Variants in STAM observed in about 807,000 individuals in gnomAD.
STAM encodes signal transducing adapter molecule 1.
A neutral mutation model predicts 63.4 loss-of-function variants in STAM; 16 were observed. The observed-to-expected ratio is 0.25, with a 90% CI of 0.17 to 0.38. The LOEUF (loss-of-function observed/expected upper bound fraction) is 0.38. Ranked by LOEUF, STAM falls within the 10% of genes least tolerant of loss-of-function variation. The pLI is 1.00. For missense variants in STAM, 636 were observed against 657.1 expected, an observed-to-expected ratio of 0.97 and a Z score of 0.35; for synonymous variants, 238 against 223.9, an observed-to-expected ratio of 1.06 and a Z score of -0.56.
At position 17,686,402 on chromosome 10, in the gene STAM, T is replaced by C. The variant is rs563715714; in HGVS notation, c.297+1475T>C. Reference sequence around the variant, plus strand: ...CCTTTTTTTTTTTTTTTTGAGACAGTGTCTCTCTTTGTCACCCAGGCTGGA... The same window carrying C: ...CCTTTTTTTTTTTTTTTTGAGACAGCGTCTCTCTTTGTCACCCAGGCTGGA... On this transcript the variant is annotated intron_variant, in intron 4 of 13. Coordinates refer to ENST00000377524, the MANE Select transcript of STAM (RefSeq NM_003473.4). Among the ~76,000 whole-genome samples the C allele has an allele frequency of 2.6e-3, 384 of 148,646 alleles. 2 individuals carry two copies. The highest frequency in any genetic ancestry group is 3.0e-3 in the Non-Finnish European group (203 of 67,104).
intron 2 of STAM, among the ~76,000 whole-genome samples, chr10:17,684,109 C>T (rs1554825803): frequency 1.3e-5 from 2 of 152,148 alleles, no homozygotes; most frequent in African/African-American, 4.8e-5. Context: ...ATATCGCCCT[C>T]GGTCACTTTT....
rs1554827329 is a variant in STAM, at chr10:17,695,162, G to T, written c.649G>T (p.Ala217Ser). ...CCAACATGAAGGCCGAAAAGTTCGT[G>T]CTATATATGACTTTGAAGCTGCTGA... ...NHQHEGRKVR[A>S]IYDFEAAEDN... is the part of the protein sequence containing the mutation. Residue 217 changes from alanine to serine, a missense_variant, in exon 7 of 14, where the codon GCT becomes TCT. Around this residue, in one of 3 missense-constraint regions of STAM, gnomAD observed 532 missense variants for 536.9 expected, o/e 0.99. Coordinates refer to ENST00000377524, the MANE Select transcript of STAM (RefSeq NM_003473.4). 5 of 1,613,940 alleles carry T rather than the reference G, an allele frequency of 3.1e-6. No individual in the cohort carries two copies. The highest frequency in any genetic ancestry group is 1.6e-4 in the Middle Eastern group (1 of 6,080).
At chr10:17,644,587 C>T (rs1160261253) in intron 1 of STAM, among the ~76,000 whole-genome samples, 1 of 152,122 alleles carries the variant, frequency 6.6e-6, no homozygotes, top group Non-Finnish European at 1.5e-5. Context: ...GTGAAATGGG[C>T]CTTGAGCTAG....
chr10:17,692,295 G>A (rs1291121110), intron 5 of STAM, among the ~76,000 whole-genome samples: 2 of 152,124 alleles, frequency 1.3e-5, no homozygotes, highest in Non-Finnish European at 1.5e-5. Flanking sequence ...AAGAGAATGT[G>A]TAATTAACAG....
intron 5 of STAM, among the ~76,000 whole-genome samples, chr10:17,689,865 A>C (rs1412639171): frequency 1.3e-5 from 2 of 152,212 alleles, no homozygotes; most frequent in African/African-American, 2.4e-5. Context: ...TTTTAACAAG[A>C]TCTTCAGAGG....
intron 1 of STAM, among the ~76,000 whole-genome samples, chr10:17,646,214 T>C (rs1186929315): frequency 6.6e-6 from 1 of 152,206 alleles, no homozygotes; most frequent in Non-Finnish European, 1.5e-5. Flanking sequence ...TTATTGACGG[T>C]TTGGGCCAGG....
intron 2 of STAM, among the ~76,000 whole-genome samples, chr10:17,661,171 G>A (rs1228271660): frequency 6.6e-6 from 1 of 152,176 alleles, no homozygotes; most frequent in Non-Finnish European, 1.5e-5. Flanking sequence ...TACAGTAATT[G>A]GATTAATTGG....
intron 1 of STAM, among the ~76,000 whole-genome samples, chr10:17,651,725 T>C (rs1018520433): frequency 6.6e-6 from 1 of 152,240 alleles, no homozygotes; most frequent in Non-Finnish European, 1.5e-5. Context: ...TCAGGGATAT[T>C]AGATGAAAGA....
intron 2 of STAM, 54 bp from the exon 3 acceptor site, chr10:17,684,621 C>T: frequency 1.4e-6 from 2 of 1,431,366 alleles, no homozygotes; most frequent in Non-Finnish European, 9.7e-7. Flanking sequence ...AGTTAAGGGG[C>T]AGGGGGAAGC....
chr10:17,672,203 G>GTT (rs1834669023), intron 2 of STAM, among the ~76,000 whole-genome samples: 1 of 152,118 alleles, frequency 6.6e-6, no homozygotes, highest in African/African-American at 2.4e-5. Flanking sequence ...CTAACATTGA[G>GTT]CTATAGATCT....
At chr10:17,704,614 T>C in intron 10 of STAM, 96 bp downstream of exon 10, 1 of 1,076,726 alleles carries the variant, frequency 9.3e-7, no homozygotes. Context: ...ATATTAAAAA[T>C]GGAACATTTC....
chr10:17,648,123 G>A (rs1008868500), intron 1 of STAM, among the ~76,000 whole-genome samples: 2 of 152,054 alleles, frequency 1.3e-5, no homozygotes, highest in African/African-American at 4.8e-5. Flanking sequence ...AGATATTTTG[G>A]CTGTACTTTA....
chr10:17,701,014 A>G (rs1176722755), intron 9 of STAM, among the ~76,000 whole-genome samples: 4 of 152,334 alleles, frequency 2.6e-5, no homozygotes, highest in African/African-American at 9.6e-5. Flanking sequence ...ATGTCTTCAT[A>G]TGTCATTGTC....
intron 2 of STAM, among the ~76,000 whole-genome samples, chr10:17,683,393 C>T (rs1268275611): frequency 6.6e-6 from 1 of 152,110 alleles, no homozygotes; most frequent in Non-Finnish European, 1.5e-5. Context: ...AACTTCCGGA[C>T]TCAAGCCATC....
chr10:17,694,924 A>G (rs1835689028), intron 6 of STAM, 125 bp from the exon 7 acceptor site: 5 of 792,926 alleles, frequency 6.3e-6, no homozygotes, highest in Admixed American at 6.3e-5. Context: ...ATGTATCAGG[A>G]TATGTTCTAG....
At chr10:17,711,289 T>A (rs1269316919) in intron 13 of STAM, among the ~76,000 whole-genome samples, 1 of 152,192 alleles carries the variant, frequency 6.6e-6, no homozygotes, top group Admixed American at 6.5e-5. Flanking sequence ...TAAAGCTACC[T>A]GTAGCGATGG....
chr10:17,701,846 C>G (rs1836013172), intron 9 of STAM, among the ~76,000 whole-genome samples: 1 of 152,070 alleles, frequency 6.6e-6, no homozygotes, highest in Non-Finnish European at 1.5e-5. Flanking sequence ...GGGATGATTT[C>G]ATATACTGGT....
intron 2 of STAM, among the ~76,000 whole-genome samples, chr10:17,679,709 G>A (rs1480062299): frequency 6.6e-6 from 1 of 151,602 alleles, no homozygotes; most frequent in Non-Finnish European, 1.5e-5. Context: ...CTTTTTACTT[G>A]TTACATAGGT....
At chr10:17,647,599 T>C (rs1217720528) in intron 1 of STAM, among the ~76,000 whole-genome samples, 1 of 152,138 alleles carries the variant, frequency 6.6e-6, no homozygotes, top group Non-Finnish European at 1.5e-5. Flanking sequence ...CCAGGTTTGC[T>C]GCTTACCGGT....
Sources: gnomAD v4.1 joint callset for allele counts (sites outside exome capture counted in the v4.1 genomes callset) on GRCh38, gnomAD v4.1.1 for gene constraint, gnomAD v4.1.1 regional missense constraint, MANE v1.5 for transcripts, NCBI Gene and HGNC (gene_info 2026-07-23, HGNC 2026-07-21) for gene names.